TRAPPC9: variants seen among roughly 807,000 people sequenced by gnomAD.
TRAPPC9 encodes IKK2 binding protein.
A neutral mutation model predicts 124.0 loss-of-function variants in TRAPPC9; 83 were observed. The observed-to-expected ratio is 0.67, with a 90% confidence interval of 0.56 to 0.80. The LOEUF (loss-of-function observed/expected upper bound fraction) is 0.80, where lower values mean the gene tolerates loss of function less well. TRAPPC9 is among the 30% of genes least tolerant of loss of function. TRAPPC9 has a pLI of 0.00. For missense variants in TRAPPC9, 1,302 were observed against 1,508.3 expected (o/e 0.86, Z 2.27); for synonymous variants, 638 against 617.5 (o/e 1.03, Z -0.49).
intron 17 of TRAPPC9, among the ~76,000 whole-genome samples, chr8:140,130,789 G>A (rs1205858155): frequency 3.9e-5 from 6 of 152,138 alleles, no homozygotes; most frequent in African/African-American, 1.4e-4. Context: ...ACAGCTCAGC[G>A]GACTGAGGGG....
chr8:140,424,127 A>G (rs989117175), intron 5 of TRAPPC9, among the ~76,000 whole-genome samples: 2 of 150,464 alleles, frequency 1.3e-5, no homozygotes, highest in African/African-American at 5.0e-5. Flanking sequence ...AAACTGCATT[A>G]AAACTAGTTT....
chr8:139,976,786 C>T (rs1008390496), intron 19 of TRAPPC9, among the ~76,000 whole-genome samples: 6 of 152,192 alleles, frequency 3.9e-5, no homozygotes, highest in African/African-American at 7.2e-5. Context: ...TCGCCTTCTG[C>T]GGGGATACTG....
chr8:139,999,169 A>T (rs1303316955), intron 18 of TRAPPC9, among the ~76,000 whole-genome samples: 1 of 152,186 alleles, frequency 6.6e-6, no homozygotes, highest in Non-Finnish European at 1.5e-5. Flanking sequence ...TCATTAATAG[A>T]CAGAGATTGT....
chr8:140,306,132 A>G (rs933370436), intron 10 of TRAPPC9, among the ~76,000 whole-genome samples: 3 of 152,238 alleles, frequency 2.0e-5, no homozygotes, highest in Non-Finnish European at 2.9e-5. Context: ...TTCTAGAAGT[A>G]TGGCCCATGG....
At chr8:140,336,155 C>T (rs1479392935) in intron 9 of TRAPPC9, among the ~76,000 whole-genome samples, 2 of 151,960 alleles carry the variant, frequency 1.3e-5, no homozygotes, top group African/African-American at 4.8e-5. Context: ...TCCATCTGCT[C>T]AGTTTTCTCC....
At chr8:140,020,927 A>G (rs1271667196) in intron 18 of TRAPPC9, among the ~76,000 whole-genome samples, 1 of 152,222 alleles carries the variant, frequency 6.6e-6, no homozygotes, top group Non-Finnish European at 1.5e-5. Flanking sequence ...GTTTGATATT[A>G]AGATACCCAA....
chr8:140,252,528 C>G lies in TRAPPC9; in HGVS notation c.2431+249G>C. 2.2e-6 allele frequency: 1 copy of G among 464,196 alleles called. No homozygotes were observed. The highest frequency in any genetic ancestry group is 3.6e-5 in the Admixed American group (1 of 27,866). 28.8% of individuals were successfully genotyped at this position (464,196 alleles called of 1,614,324 possible). Reference sequence around the variant, plus strand: ...CTACATTCCACTAATTTAGAATGACCTGCTGGTAAATGAGTACAAAATAAT... The same window carrying G: ...CTACATTCCACTAATTTAGAATGACGTGCTGGTAAATGAGTACAAAATAAT... On this transcript the variant is annotated intron_variant, in intron 16 of 22. Coordinates refer to ENST00000438773, the MANE Select transcript of TRAPPC9 (RefSeq NM_001160372.4). The surrounding 1 kb of genome is among the most constrained non-coding windows in gnomAD (Gnocchi z 4.2).
At chr8:139,791,325 AGACACACACACG>A (rs1822650634) in intron 21 of TRAPPC9, among the ~76,000 whole-genome samples, 1 of 120,534 alleles carries the variant, frequency 8.3e-6, no homozygotes, top group Non-Finnish European at 2.0e-5. Flanking sequence ...TCCCCTGCAC[AGACACACACACG>A]CTCACACTCA....
At chr8:140,055,208 G>A (rs1188596758) in intron 17 of TRAPPC9, among the ~76,000 whole-genome samples, 1 of 152,036 alleles carries the variant, frequency 6.6e-6, no homozygotes, top group African/African-American at 2.4e-5. Flanking sequence ...TGCAAGGAAG[G>A]GTCAGCACAG....
chr8:139,854,138 C>G (rs1224592726), intron 21 of TRAPPC9, among the ~76,000 whole-genome samples: 6 of 152,184 alleles, frequency 3.9e-5, no homozygotes, highest in Admixed American at 3.9e-4. Flanking sequence ...CACTCTCTAT[C>G]TGATTATCGG....
At chr8:140,407,433 G>A (rs757231694) in intron 5 of TRAPPC9, among the ~76,000 whole-genome samples, 5 of 151,180 alleles carry the variant, frequency 3.3e-5, no homozygotes, top group East Asian at 1.9e-4. Context: ...GGGGGGGGGC[G>A]GGTCAGAATG....
At chr8:140,336,396 G>C (rs916812014) in intron 9 of TRAPPC9, among the ~76,000 whole-genome samples, 1 of 152,190 alleles carries the variant, frequency 6.6e-6, no homozygotes, top group African/African-American at 2.4e-5. Flanking sequence ...ATGAGAGACA[G>C]CTGATGTGAA....
intron 5 of TRAPPC9, among the ~76,000 whole-genome samples, chr8:140,410,829 C>T (rs1406537961): frequency 3.4e-5 from 5 of 145,228 alleles, no homozygotes; most frequent in South Asian, 2.2e-4. Flanking sequence ...GGTGACAGAG[C>T]GAGACTGTCT....
At chr8:140,082,065 A>C (rs1031758617) in intron 17 of TRAPPC9, 2 of 152,252 alleles carry the variant, frequency 1.3e-5, no homozygotes, top group African/African-American at 2.4e-5. Context: ...ATCAAATTGA[A>C]GCGTGCTTAA....
At chr8:140,191,407 A>G (rs1312296638) in intron 17 of TRAPPC9, among the ~76,000 whole-genome samples, 2 of 152,196 alleles carry the variant, frequency 1.3e-5, no homozygotes, top group African/African-American at 4.8e-5. Context: ...TATTGGAGGT[A>G]GGTCCTAGTG....
At chr8:140,069,456 G>A (rs970649138) in intron 17 of TRAPPC9, among the ~76,000 whole-genome samples, 5 of 152,122 alleles carry the variant, frequency 3.3e-5, no homozygotes, top group Non-Finnish European at 5.9e-5. Context: ...GTCTGAAAAG[G>A]CCTCAGTGTT....
intron 21 of TRAPPC9, among the ~76,000 whole-genome samples, chr8:139,828,778 T>C (rs894878826): frequency 3.3e-5 from 5 of 152,190 alleles, no homozygotes; most frequent in African/African-American, 7.2e-5. Flanking sequence ...CCTAGGACTA[T>C]GCCAGCAGGC....
chr8:140,219,891 G>A (rs2063295907), intron 17 of TRAPPC9, among the ~76,000 whole-genome samples: 1 of 152,188 alleles, frequency 6.6e-6, no homozygotes, highest in Non-Finnish European at 1.5e-5. Context: ...AAACAGCCCT[G>A]CAGTTTGACA....
At chr8:139,808,224 C>T (rs528828123) in intron 21 of TRAPPC9, among the ~76,000 whole-genome samples, 35 of 152,282 alleles carry the variant, frequency 2.3e-4, no homozygotes, top group African/African-American at 8.2e-4. Context: ...TTTGGGAGGC[C>T]GAGGCAGGAG....
Sources: allele counts gnomAD v4.1 joint callset (sites outside exome capture counted in the v4.1 genomes callset), GRCh38; gene constraint gnomAD v4.1.1; non-coding constraint Gnocchi (gnomAD v3.1); transcripts MANE v1.5; gene names NCBI Gene and HGNC (gene_info 2026-07-23, HGNC 2026-07-21).